The following CSMD1 variants were observed in gnomAD, a reference collection of about 807,000 sequenced individuals.
CSMD1 encodes CUB and sushi domain-containing protein 1.
Under a neutral mutation model 417.5 loss-of-function variants are expected in CSMD1, and 213 were observed. The ratio of observed to expected loss-of-function variants is 0.51; its 90% CI spans 0.46 to 0.57. The LOEUF is 0.57. Among genes scored for constraint, CSMD1 ranks in the 20% least tolerant of loss-of-function variants. CSMD1 has a pLI of 0.00. For synonymous variants in CSMD1, 2,862 were observed against 1,736.8 expected, an observed-to-expected ratio of 1.65 and a Z score of -16.11; for missense variants, 6,923 against 4,529.7, an observed-to-expected ratio of 1.53 and a Z score of -15.17.
rs946226431 is a variant in CSMD1 at position 4,055,170 on chromosome 8, T to G, written c.416-23071A>C. Among the ~76,000 whole-genome samples the G allele has an allele frequency of 3.3e-5, 5 of 152,326 alleles. No individual in the cohort carries two copies. In the East Asian group the frequency reaches 7.7e-4, roughly 24 times the overall value. On this transcript the variant is annotated intron_variant, in intron 3 of 69. Transcript: ENST00000635120. ...AGAAACTGTTTGAAATATGAATTTC[T>G]CATACGCAGTCAAGTTAAAACTTCA...
intron 15 of CSMD1, among the ~76,000 whole-genome samples, chr8:3,405,309 G>C (rs745503833): frequency 2.0e-5 from 3 of 152,092 alleles, no homozygotes. Context: ...TATACTCTAA[G>C]TAAACATTTT....
At chr8:4,004,410 T>G (rs1347771206) in intron 4 of CSMD1, among the ~76,000 whole-genome samples, 1 of 147,664 alleles carries the variant, frequency 6.8e-6, no homozygotes, top group African/African-American at 2.5e-5. Context: ...AAATAAATTC[T>G]GCCATGAATC....
At chr8:4,135,286 G>A (rs1046693490) in intron 3 of CSMD1, among the ~76,000 whole-genome samples, 6 of 149,104 alleles carry the variant, frequency 4.0e-5, no homozygotes, top group Middle Eastern at 3.5e-3. Context: ...TAGAAGGAGG[G>A]AAGGAAGACA....
intron 5 of CSMD1, among the ~76,000 whole-genome samples, chr8:3,816,780 T>A (rs988982880): frequency 3.9e-4 from 60 of 152,302 alleles, no homozygotes; most frequent in East Asian, 2.1e-3. Flanking sequence ...ATAATTTTTT[T>A]AAAATATGGT....
Position 3,018,581 on chromosome 8 carries a change from G to A in CSMD1, c.7925C>T (p.Ala2642Val), listed in dbSNP as rs778074048. 1.9e-6 allele frequency: 3 copies of A among 1,613,480 alleles called. No homozygotes were observed. Among genetic ancestry groups the A allele is most frequent in the East Asian group, 4.5e-5 (2 of 44,862 alleles). Residue 2642 changes from alanine (A) to valine (V), a missense_variant, in exon 52 of 70, where the codon GCC becomes GTC. By Grantham distance (64) the Ala-to-Val change is moderately conservative. Transcript: ENST00000635120. ...NKIGTLTVYG[A>V]TAIFTCNTGY... ...GGTGTTGCACGTAAATATAGCTGTG[G>A]CCCCATAAACTGTCAACGTTCCAAT...
intron 50 of CSMD1, among the ~76,000 whole-genome samples, chr8:3,040,395 T>TATATATATATAACAGAA (rs1647208946): frequency 7.8e-6 from 1 of 128,176 alleles, no homozygotes; most frequent in African/African-American, 4.0e-5. Flanking sequence ...GAAATATATA[T>TATATATATATAACAGAA]ATATATATAT....
intron 3 of CSMD1, among the ~76,000 whole-genome samples, chr8:4,295,616 T>C (rs1382653469): frequency 6.9e-6 from 1 of 145,040 alleles, no homozygotes; most frequent in East Asian, 2.0e-4. Context: ...ATCCTAAGAT[T>C]ATATATATAT....
At chr8:4,777,303 C>A (rs982544315) in intron 1 of CSMD1, among the ~76,000 whole-genome samples, 1 of 152,090 alleles carries the variant, frequency 6.6e-6, no homozygotes, top group Non-Finnish European at 1.5e-5. Context: ...AGTAGGTGGA[C>A]GAAACCAGAA....
chr8:4,571,400 C>T (rs1486861509), intron 2 of CSMD1, among the ~76,000 whole-genome samples: 1 of 152,174 alleles, frequency 6.6e-6, no homozygotes, highest in Non-Finnish European at 1.5e-5. Flanking sequence ...TCGTTATTTA[C>T]CCAGTGGTCA....
At chr8:4,076,150 G>A (rs758487702) in intron 3 of CSMD1, among the ~76,000 whole-genome samples, 4 of 152,132 alleles carry the variant, frequency 2.6e-5, no homozygotes, top group South Asian at 4.1e-4. Context: ...TGAATCATGC[G>A]TGTGGTTGCT....
chr8:4,273,630 T>G (rs1804739971), intron 3 of CSMD1, among the ~76,000 whole-genome samples: 1 of 152,202 alleles, frequency 6.6e-6, no homozygotes, highest in Non-Finnish European at 1.5e-5. Flanking sequence ...TTCTGTATTT[T>G]ATCTAGAAAC....
intron 21 of CSMD1, among the ~76,000 whole-genome samples, chr8:3,355,080 T>A (rs970549457): frequency 6.6e-6 from 1 of 152,198 alleles, no homozygotes. Flanking sequence ...AAACTGAGGA[T>A]AAGGGTGTTG....
At chr8:3,988,347 A>C (rs1814491367) in intron 5 of CSMD1, among the ~76,000 whole-genome samples, 1 of 152,236 alleles carries the variant, frequency 6.6e-6, no homozygotes, top group Admixed American at 6.5e-5. Context: ...TAGCATAACT[A>C]CTGCAATGTT....
chr8:3,382,375 C>G (rs1257044075), intron 18 of CSMD1, among the ~76,000 whole-genome samples: 1 of 143,426 alleles, frequency 7.0e-6, no homozygotes, highest in South Asian at 2.2e-4. Context: ...ATTCCAATAA[C>G]TTTAGTAATT....
chr8:3,631,357 G>A (rs1447312046), intron 7 of CSMD1, among the ~76,000 whole-genome samples: 1 of 152,186 alleles, frequency 6.6e-6, no homozygotes, highest in African/African-American at 2.4e-5. Flanking sequence ...CTGTCACACA[G>A]TAAGAAAGCA....
chr8:4,075,945 G>A (rs889869374), intron 3 of CSMD1, among the ~76,000 whole-genome samples: 1 of 152,044 alleles, frequency 6.6e-6, no homozygotes, highest in Admixed American at 6.6e-5. Flanking sequence ...AAATAAATCA[G>A]TACTCTTTCC....
chr8:3,456,824 G>T (rs1007099029), intron 12 of CSMD1, among the ~76,000 whole-genome samples: 1 of 152,080 alleles, frequency 6.6e-6, no homozygotes, highest in Admixed American at 6.5e-5. Flanking sequence ...GGGGTATTCA[G>T]AACAAACTGG....
intron 5 of CSMD1, among the ~76,000 whole-genome samples, chr8:3,997,005 T>A (rs1161201413): frequency 6.6e-6 from 1 of 152,156 alleles, no homozygotes; most frequent in African/African-American, 2.4e-5. Context: ...CATTCCATAT[T>A]CCCCTCTTCC....
chr8:3,576,419 G>C (rs1199325312), intron 9 of CSMD1, among the ~76,000 whole-genome samples: 1 of 151,962 alleles, frequency 6.6e-6, no homozygotes, highest in Non-Finnish European at 1.5e-5. Context: ...TCCTCTTTCT[G>C]CATTTACCTG....
Sources: allele counts gnomAD v4.1 joint callset (sites outside exome capture counted in the v4.1 genomes callset), GRCh38; gene constraint gnomAD v4.1.1; transcripts MANE v1.5; gene names NCBI Gene and HGNC (gene_info 2026-07-23, HGNC 2026-07-21).